The following GRIK2 variants were observed in gnomAD, a reference collection of about 807,000 sequenced individuals.
GRIK2 encodes glutamate ionotropic receptor kainate type subunit 2, also known as glutamate receptor ionotropic, kainate 2.
GRIK2 carries 32 observed loss-of-function variants against 100.3 expected under a neutral mutation model. The observed-to-expected ratio is 0.32, with a 90% CI of 0.24 to 0.43. The LOEUF (loss-of-function observed/expected upper bound fraction) is 0.43, where lower values mean the gene tolerates loss of function less well. Among genes scored for constraint, GRIK2 ranks in the 20% least tolerant of loss-of-function variants. The pLI is 1.00. For synonymous variants in GRIK2, 417 were observed against 389.4 expected (o/e 1.07, Z -0.83); for missense variants, 843 against 1,114.9 (o/e 0.76, Z 3.47).
At chr6:101,646,210 G>T (rs554051236) in intron 4 of GRIK2, among the ~76,000 whole-genome samples, 2 of 152,006 alleles carry the variant, frequency 1.3e-5, no homozygotes, top group Admixed American at 6.6e-5. Flanking sequence ...CATTTGGGGA[G>T]TGAACTAATA....
At chr6:101,800,954 C>T (rs895369629) in intron 8 of GRIK2, among the ~76,000 whole-genome samples, 6 of 152,022 alleles carry the variant, frequency 3.9e-5, no homozygotes, top group Admixed American at 6.6e-5. Flanking sequence ...ACAGTGTCCC[C>T]CTTATGAGGA....
chr6:101,494,974 TA>T (rs1562178738), intron 2 of GRIK2, among the ~76,000 whole-genome samples: 92 of 106,870 alleles, frequency 8.6e-4, no homozygotes, highest in African/African-American at 3.8e-3. Context: ...TATGCATTTA[TA>T]TATATATATA....
intron 2 of GRIK2, among the ~76,000 whole-genome samples, chr6:101,609,016 G>T (rs1013098724): frequency 1.3e-5 from 2 of 151,600 alleles, no homozygotes; most frequent in African/African-American, 4.8e-5. Context: ...TTTCACTCTG[G>T]ATTAACTAGC....
chr6:101,697,611 C>T (rs2128350268), intron 7 of GRIK2, among the ~76,000 whole-genome samples: 1 of 151,962 alleles, frequency 6.6e-6, no homozygotes, highest in South Asian at 2.1e-4. Flanking sequence ...GCTTGTTGGA[C>T]ACAGAATTAA....
At chr6:101,418,499 A>G (rs1776261986) in intron 2 of GRIK2, among the ~76,000 whole-genome samples, 1 of 152,102 alleles carries the variant, frequency 6.6e-6, no homozygotes, top group Middle Eastern at 3.4e-3. Context: ...GACGTCAAAG[A>G]CTCTAAATGT....
chr6:101,683,235 A>G (rs1283415371), intron 6 of GRIK2, among the ~76,000 whole-genome samples: 1 of 152,030 alleles, frequency 6.6e-6, no homozygotes, highest in East Asian at 1.9e-4. Flanking sequence ...AGACAAGAAA[A>G]GCACAAATTC....
chr6:102,058,011 A>T (rs1582802090), intron 16 of GRIK2, among the ~76,000 whole-genome samples: 1 of 152,000 alleles, frequency 6.6e-6, no homozygotes, highest in South Asian at 2.1e-4. Context: ...ATGAAAAAAA[A>T]TGTGACTCAT....
intron 2 of GRIK2, among the ~76,000 whole-genome samples, chr6:101,521,255 A>T (rs1167274460): frequency 6.6e-6 from 1 of 150,550 alleles, no homozygotes; most frequent in Non-Finnish European, 1.5e-5. Flanking sequence ...TGTATATAGT[A>T]AACCTTAATG....
chr6:101,860,524 C>T (rs1030373471), intron 11 of GRIK2, among the ~76,000 whole-genome samples: 6 of 152,064 alleles, frequency 3.9e-5, no homozygotes, highest in East Asian at 1.9e-4. Context: ...GTTTTCAGCC[C>T]TATGGCATCA....
At chr6:101,575,106 C>T (rs79064562) in intron 2 of GRIK2, among the ~76,000 whole-genome samples, 2,399 of 151,518 alleles carry the variant, frequency 0.016, 60 homozygotes, top group African/African-American at 0.055. Flanking sequence ...TTGCCTCTTA[C>T]CTGTAATATA....
At chr6:101,798,277 T>C (rs2128412672) in intron 7 of GRIK2, among the ~76,000 whole-genome samples, 2 of 152,186 alleles carry the variant, frequency 1.3e-5, no homozygotes, top group Middle Eastern at 6.8e-3. Flanking sequence ...TGACTACCTG[T>C]GTAATATATG....
chr6:101,466,202 T>A (rs1256796865), intron 2 of GRIK2, among the ~76,000 whole-genome samples: 1 of 152,116 alleles, frequency 6.6e-6, no homozygotes, highest in Non-Finnish European at 1.5e-5. Context: ...ATTCTTCCAC[T>A]GAAACTAAAA....
intron 2 of GRIK2, among the ~76,000 whole-genome samples, chr6:101,560,744 AAAAC>A (rs1235545257): frequency 6.6e-6 from 1 of 151,272 alleles, no homozygotes; most frequent in Non-Finnish European, 1.5e-5. Flanking sequence ...GCAAAGAAAA[AAAAC>A]AAAATCATAA....
At chr6:102,067,901 A>G (rs987814626) in intron 16 of GRIK2, among the ~76,000 whole-genome samples, 1 of 151,880 alleles carries the variant, frequency 6.6e-6, no homozygotes, top group Admixed American at 6.6e-5. Flanking sequence ...TGAAGAATCA[A>G]TGTTCAAACA....
chr6:101,908,888 C>T (rs1788435708), intron 12 of GRIK2, among the ~76,000 whole-genome samples: 1 of 151,154 alleles, frequency 6.6e-6, no homozygotes, highest in Non-Finnish European at 1.5e-5. Context: ...TTTTATGCCC[C>T]TCCCTTGTTT....
At chr6:101,593,772 T>A (rs1474151027) in intron 2 of GRIK2, among the ~76,000 whole-genome samples, 4 of 151,890 alleles carry the variant, frequency 2.6e-5, no homozygotes, top group Non-Finnish European at 1.5e-5. Flanking sequence ...CAAAGTTTAG[T>A]TTTTGAACAG....
chr6:101,746,624 G>T (rs1365263777), intron 7 of GRIK2, among the ~76,000 whole-genome samples: 1 of 152,056 alleles, frequency 6.6e-6, no homozygotes, highest in African/African-American at 2.4e-5. Context: ...ACTGCGCCTG[G>T]CCTACCTTCA....
chr6:101,584,113 A>T (rs1778233190), intron 2 of GRIK2, among the ~76,000 whole-genome samples: 1 of 152,082 alleles, frequency 6.6e-6, no homozygotes, highest in Non-Finnish European at 1.5e-5. Flanking sequence ...TTAAAGAAAA[A>T]ATATGATTAT....
intron 14 of GRIK2, among the ~76,000 whole-genome samples, chr6:102,031,169 T>C (rs1274043008): frequency 2.0e-5 from 3 of 148,618 alleles, no homozygotes; most frequent in Non-Finnish European, 3.0e-5. Context: ...TCCAACACCA[T>C]TTCCAGAGTC....
Sources: gnomAD v4.1 joint callset for allele counts (sites outside exome capture counted in the v4.1 genomes callset) on GRCh38, gnomAD v4.1.1 for gene constraint, MANE v1.5 for transcripts, NCBI Gene and HGNC (gene_info 2026-07-23, HGNC 2026-07-21) for gene names.